Variants in STAMBP observed in about 807,000 individuals in gnomAD.
STAMBP encodes STAM binding protein.
A neutral mutation model predicts 50.7 loss-of-function variants in STAMBP; 31 were observed. That is an observed-to-expected ratio of 0.61 (90% CI 0.46 to 0.83). The LOEUF is 0.83. STAMBP is among the 40% of genes least tolerant of loss of function. STAMBP has a pLI of 0.00. For synonymous variants in STAMBP, 211 were observed against 192.4 expected (o/e 1.10, Z -0.80); for missense variants, 472 against 518.9 (o/e 0.91, Z 0.88).
chr2:73,835,336 A>T (rs1674580975), intron 2 of STAMBP, among the ~76,000 whole-genome samples: 1 of 148,150 alleles, frequency 6.7e-6, no homozygotes, highest in Admixed American at 6.9e-5. Context: ...CCTGGGTGAT[A>T]GAGCGAGACT....
At chr2:73,835,046 T>A (rs1421315610) in intron 2 of STAMBP, among the ~76,000 whole-genome samples, 2 of 152,106 alleles carry the variant, frequency 1.3e-5, no homozygotes, top group African/African-American at 4.8e-5. Flanking sequence ...TTAAGTGGGA[T>A]TCAGACCTAA....
At position 73,847,397 on chromosome 2, in the gene STAMBP, C is replaced by T; in HGVS notation, c.386C>T (p.Ala129Val). ...TEYNEEKKKE[A>V]EELARNMAIQ... ...TTTCTCTCTTTGTAGAAGAAGGAAG[C>T]AGAGGAATTGGCCCGGAACATGGCC... The change falls in exon 5 of 10, where the codon GCA becomes GTA. Residue 129 changes from alanine to valine, a missense_variant. Ala to Val is a moderately conservative substitution (Grantham distance 64, BLOSUM62 0). Coordinates refer to ENST00000394070, the MANE Select transcript of STAMBP (RefSeq NM_213622.4). 6.2e-7 allele frequency: 1 copy of T among 1,601,282 alleles called. No homozygotes were observed. Among genetic ancestry groups the T allele is most frequent in the Non-Finnish European group, 8.5e-7 (1 of 1,172,756 alleles).
Position 73,830,995 on chromosome 2 carries a change from G to A in STAMBP, c.139G>A (p.Ala47Thr). Residue 47 changes from alanine (A) to threonine (T), a missense_variant, in exon 2 of 10, where the codon GCA (alanine) becomes ACA (threonine). Physicochemically the swap from Ala to Thr is moderately conservative, Grantham distance 58. Transcript: ENST00000394070. ...CTCTGGAGTTGAGATTATCCGAATG[G>A]CATCCATTTACTCTGAGGAAGGCAA... ...FRSGVEIIRM[A>T]SIYSEEGNIE... 2 of 1,614,194 alleles carry A rather than the reference G, an allele frequency of 1.2e-6. No individual in the cohort carries two copies. The highest frequency in any genetic ancestry group is 1.7e-6 in the Non-Finnish European group (2 of 1,180,034).
At position 73,841,984 on chromosome 2, in the gene STAMBP, T is replaced by C. The variant is rs527824584; in HGVS notation, c.204-2829T>C. ...TGTTTGTTTTTTGTTTTTGTTTTTT[T>C]ACTTATAAACTAGATTTCCATTACA... On this transcript the variant is annotated intron_variant, in intron 2 of 9. Transcript: ENST00000394070. 5.9e-5 allele frequency among the ~76,000 whole-genome samples: 9 copies of C among 152,340 alleles called. No individual in the cohort carries two copies. In the South Asian group the frequency reaches 1.9e-3, roughly 32 times the overall value.
At chr2:73,837,571 C>G (rs1184975684) in intron 2 of STAMBP, among the ~76,000 whole-genome samples, 2 of 105,362 alleles carry the variant, frequency 1.9e-5, no homozygotes, top group Non-Finnish European at 3.4e-5. Context: ...GGCAACAGAG[C>G]GAGACTCCAT....
rs1403948463 is a variant in STAMBP, at chr2:73,863,579, T to C, written c.*1320T>C. ...AGTTCTCTATATTCTTTTTCTTCTC[T>C]TGGGTTCTTAATTCCCCATATAGTG... On this transcript the variant is annotated 3_prime_UTR_variant, in exon 10 of 10. Coordinates refer to ENST00000394070, the MANE Select transcript of STAMBP (RefSeq NM_213622.4). 2 of 152,262 alleles carry C rather than the reference T, an allele frequency of 1.3e-5. No individual in the cohort carries two copies. Among genetic ancestry groups the C allele is most frequent in the African/African-American group, 2.4e-5 (1 of 41,464 alleles). 9.4% of individuals were successfully genotyped at this position (152,262 alleles called of 1,614,324 possible). A position where few individuals can be genotyped will look rare whatever the true frequency, so the allele number is the denominator to read the frequency against.
rs765583698 is a variant in STAMBP, at chr2:73,860,078, A to G, written c.1145A>G (p.His382Arg). 46 of 1,611,736 alleles carry G rather than the reference A, an allele frequency of 2.9e-5. No individual in the cohort carries two copies. In the Admixed American group the frequency reaches 5.8e-4, roughly 20 times the overall value. Residue 382 changes from histidine to arginine, a missense_variant, in exon 9 of 10, where the codon CAT becomes CGT. His to Arg is a conservative substitution (Grantham distance 29). Transcript: ENST00000394070. ...QETGFFKLTD[H>R]GLEEISSCRQ... ...ACTGGATTCTTTAAACTAACTGACC[A>G]TGGACTAGAGGAGATTTCTTCCTGT...
intron 2 of STAMBP, among the ~76,000 whole-genome samples, chr2:73,836,309 A>G (rs910630191): frequency 6.6e-6 from 1 of 152,126 alleles, no homozygotes; most frequent in Non-Finnish European, 1.5e-5. Context: ...AGGTGAGGCG[A>G]TTGCCGAGGC....
Position 73,862,211 on chromosome 2 carries a change from C to T in STAMBP, c.1227C>T (p.Ser409=). 4 of 1,606,270 alleles carry T rather than the reference C, an allele frequency of 2.5e-6. No homozygotes were observed. Among genetic ancestry groups the T allele is most frequent in the Non-Finnish European group, 3.4e-6 (4 of 1,177,830 alleles). The part of the protein sequence containing the change: ...SKDPPLFCSC[S]HVTVVDRAVT... ...CTTTTTTCCTATTGCAGAGCTGCAG[C>T]CACGTGACTGTTGTGGACAGAGCAG... Residue 409 remains serine (S), a synonymous_variant, in exon 10 of 10, where the codon AGC becomes AGT. Coordinates refer to ENST00000394070, the MANE Select transcript of STAMBP (RefSeq NM_213622.4).
chr2:73,858,464 T>C (rs926953169), intron 7 of STAMBP, among the ~76,000 whole-genome samples: 4 of 152,122 alleles, frequency 2.6e-5, no homozygotes, highest in African/African-American at 9.7e-5. Context: ...CTTTTTTTAA[T>C]TGACAAATAA....
chr2:73,831,128 T>C, intron 2 of STAMBP, 69 bp downstream of exon 2: 1 of 1,290,768 alleles, frequency 7.7e-7, no homozygotes, highest in South Asian at 1.2e-5. Context: ...TCAGAATTGC[T>C]AAAACCACAG....
intron 2 of STAMBP, among the ~76,000 whole-genome samples, chr2:73,834,867 A>T (rs1251454459): frequency 6.6e-6 from 1 of 152,194 alleles, no homozygotes; most frequent in Non-Finnish European, 1.5e-5. Flanking sequence ...AGACCTTAGC[A>T]TGTTCTGGGG....
intron 7 of STAMBP, among the ~76,000 whole-genome samples, chr2:73,854,451 A>G (rs546862958): frequency 1.3e-5 from 2 of 152,304 alleles, no homozygotes; most frequent in African/African-American, 4.8e-5. Context: ...GCCTAAATTG[A>G]TAGTAGTTCA....
intron 2 of STAMBP, among the ~76,000 whole-genome samples, chr2:73,840,033 A>T (rs1675178717): frequency 6.6e-6 from 1 of 152,036 alleles, no homozygotes; most frequent in South Asian, 2.1e-4. Context: ...AATTTCAACC[A>T]TTCCCCTATC....
intron 5 of STAMBP, among the ~76,000 whole-genome samples, chr2:73,848,342 T>A: frequency 6.6e-6 from 1 of 152,208 alleles, no homozygotes; most frequent in Non-Finnish European, 1.5e-5. Context: ...TATTTTGTTG[T>A]GGTTTGGCAT....
intron 2 of STAMBP, among the ~76,000 whole-genome samples, chr2:73,839,601 C>G (rs1167603049): frequency 6.6e-6 from 1 of 152,166 alleles, no homozygotes; most frequent in Non-Finnish European, 1.5e-5. Flanking sequence ...GTTAAAGAAC[C>G]TTTGCTTGAC....
chr2:73,834,283 A>G (rs1349957065), intron 2 of STAMBP, among the ~76,000 whole-genome samples: 7 of 90,344 alleles, frequency 7.7e-5, no homozygotes, highest in Non-Finnish European at 1.2e-4. Flanking sequence ...ATATATATAT[A>G]TATAAAGTTT....
chr2:73,847,630 G>A lies in STAMBP; in HGVS notation c.619G>A (p.Val207Met), dbSNP rs1270142940. The change falls in exon 5 of 10, where the codon GTG becomes ATG. Residue 207 changes from valine to methionine, a missense_variant. Val to Met is a conservative substitution (Grantham distance 21, BLOSUM62 1). Transcript: ENST00000394070. ...VPDLEKPSLD[V>M]FPTLTVSSIQ... ...TGACTTGGAGAAGCCCTCCTTAGATGTGTTCCCCACCTTAACAGTCTCATC... is the reference window on the plus strand; with the variant it reads ...TGACTTGGAGAAGCCCTCCTTAGATATGTTCCCCACCTTAACAGTCTCATC... 1 of 1,614,110 alleles carries A rather than the reference G, an allele frequency of 6.2e-7. No homozygotes were observed. The highest frequency in any genetic ancestry group is 1.3e-5 in the African/African-American group (1 of 74,938).
At chr2:73,841,214 C>T (rs954421813) in intron 2 of STAMBP, among the ~76,000 whole-genome samples, 2 of 152,146 alleles carry the variant, frequency 1.3e-5, no homozygotes, top group Non-Finnish European at 2.9e-5. Flanking sequence ...CAGTATACAT[C>T]TGGGCCACCG....
Sources: allele counts gnomAD v4.1 joint callset (sites outside exome capture counted in the v4.1 genomes callset), GRCh38; gene constraint gnomAD v4.1.1; transcripts MANE v1.5; gene names NCBI Gene and HGNC (gene_info 2026-07-23, HGNC 2026-07-21).